Variants in PKD1L3 observed in about 807,000 individuals in gnomAD.
PKD1L3 encodes polycystin 1 like 3, transient receptor potential channel interacting, also known as polycystin-1-like protein 3.
A neutral mutation model predicts 184.1 loss-of-function variants in PKD1L3; 239 were observed. The observed-to-expected ratio is 1.30, with a 90% confidence interval of 1.17 to 1.45. PKD1L3 has a LOEUF of 1.45. Ranked by LOEUF, PKD1L3 falls within the 40% of genes most tolerant of loss-of-function variation. PKD1L3 has a pLI of 0.00. For missense variants in PKD1L3, 2,660 were observed against 2,067.2 expected (o/e 1.29, Z -5.56); for synonymous variants, 996 against 778.8 (o/e 1.28, Z -4.64).
At chr16:71,953,947 G>A (rs2143412817) in intron 17 of PKD1L3, among the ~76,000 whole-genome samples, 158 bp downstream of exon 17, 1 of 152,196 alleles carries the variant, frequency 6.6e-6, no homozygotes, top group South Asian at 2.1e-4. Context: ...TGGGCATGGT[G>A]ACTCGTGCCT....
chr16:71,953,184 A>G (rs2038916304), intron 17 of PKD1L3, 91 bp from the exon 18 acceptor site: 1 of 1,069,894 alleles, frequency 9.3e-7, no homozygotes, highest in African/African-American at 1.7e-5. Context: ...TTTACTGAGG[A>G]AGTTAACTAC....
rs772192077 is a variant in PKD1L3, at chr16:71,990,200, G to T, written c.585+80C>A. 72 of 1,245,538 alleles carry T rather than the reference G, an allele frequency of 5.8e-5. No individual in the cohort carries two copies. The Middle Eastern group carries it at 1.9e-3, about 33-fold the overall frequency. The allele number at this position is 1,245,538 out of a possible 1,614,324, so 77.2% of individuals were successfully genotyped here. On this transcript the variant is annotated intron_variant, in intron 4 of 29. Transcript: ENST00000620267. Reference sequence around the variant, plus strand: ...AAACTATATTCAGAACACTCTACAAGATAGAGCTCTAACCAGATCTACTAG... The same window carrying T: ...AAACTATATTCAGAACACTCTACAATATAGAGCTCTAACCAGATCTACTAG...
chr16:71,942,733 G>A lies in PKD1L3; in HGVS notation c.4151C>T (p.Ala1384Val), dbSNP rs182925233. ...ACAGGTATGGCCGTTATCACAAAAC[G>A]CCAGCTGACCTTCGTCCACTTTCTC... ...TYEKVDEGQL[A>V]FCDNGHTCGR... The change falls in exon 24 of 30, where the codon GCG (alanine) becomes GTG (valine). Residue 1384 changes from alanine (A) to valine (V), a missense_variant. Physicochemically the swap from Ala to Val is moderately conservative, Grantham distance 64. Transcript: ENST00000620267. The A allele has an allele frequency of 2.4e-3, 3,663 of 1,551,674 alleles. 11 individuals carry two copies. Among genetic ancestry groups the A allele is most frequent in the Non-Finnish European group, 2.5e-3 (2,907 of 1,146,998 alleles).
intron 10 of PKD1L3, 110 bp downstream of exon 10, chr16:71,978,145 A>G (rs2040000246): frequency 8.0e-7 from 1 of 1,255,946 alleles, no homozygotes; most frequent in Admixed American, 2.4e-5. Context: ...TAACAAAACA[A>G]TGGCACTGCC....
At chr16:71,982,344 G>A (rs1283138619) in intron 6 of PKD1L3, 109 bp from the exon 7 acceptor site, 6 of 971,582 alleles carry the variant, frequency 6.2e-6, no homozygotes, top group Non-Finnish European at 8.4e-6. Context: ...AGAGTGCAAT[G>A]GCGTGATATC....
At chr16:71,954,036 C>G in intron 17 of PKD1L3, 69 bp downstream of exon 17, 1 of 1,315,294 alleles carries the variant, frequency 7.6e-7, no homozygotes, top group Non-Finnish European at 1.0e-6. Flanking sequence ...GGTAACAGAG[C>G]AAGACCCTGT....
In PKD1L3 at chr16:71,947,575, A is replaced by G. The variant is rs2038666970; in HGVS notation, c.3635T>C (p.Phe1212Ser). ...CCTGCTCATCATCAGTGAGTATAAG[A>G]ATGTGAAGAAGACCACCTGGGCAGG... is the stretch of plus-strand genomic sequence containing the variant. ...SQPVKVVFFT[F>S]LYSLMMSRMP... The change falls in exon 22 of 30, where the codon TTC becomes TCC. Residue 1212 changes from phenylalanine to serine, a missense_variant. Coordinates refer to ENST00000620267, the MANE Select transcript of PKD1L3 (RefSeq NM_181536.2). 6.5e-7 allele frequency: 1 copy of G among 1,544,744 alleles called. No homozygotes were observed. The highest frequency in any genetic ancestry group is 1.4e-5 in the African/African-American group (1 of 72,868).
chr16:71,956,184 A>ATTTTTTTTTTTTTTT (rs35268514), intron 16 of PKD1L3, among the ~76,000 whole-genome samples: 2 of 82,758 alleles, frequency 2.4e-5, no homozygotes, highest in Admixed American at 1.8e-4. Flanking sequence ...AAAGGAAGGA[A>ATTTTTTTTTTTTTTT]TTTTTTTTTT....
chr16:71,951,669 TC>T lies in PKD1L3; in HGVS notation c.3084del (p.Trp1028Ter), dbSNP rs1281315721. ...ACCAGCTTAGTAATGTCCCAAGAAC[TC>T]CATGGCGGCTGCTCACACTTGGAGA... is the stretch of plus-strand genomic sequence containing the variant. ...YLLSKCEQPP[W>X]SSWDITKLVK... On this transcript the variant is annotated frameshift_variant, in exon 19 of 30. Coordinates refer to ENST00000620267, the MANE Select transcript of PKD1L3 (RefSeq NM_181536.2). LOFTEE classifies it high-confidence loss of function. The T allele has an allele frequency of 6.4e-7, 1 of 1,551,682 alleles. No individual in the cohort carries two copies. The highest frequency in any genetic ancestry group is 8.7e-7 in the Non-Finnish European group (1 of 1,146,960).
intron 13 of PKD1L3, among the ~76,000 whole-genome samples, chr16:71,968,896 A>G (rs1211147234): frequency 6.7e-6 from 1 of 150,184 alleles, no homozygotes; most frequent in Admixed American, 6.6e-5. Context: ...TCACCCAGCC[A>G]GTTACATTAA....
chr16:71,952,798 A>C, intron 18 of PKD1L3, 96 bp downstream of exon 18: 1 of 1,293,790 alleles, frequency 7.7e-7, no homozygotes, highest in Non-Finnish European at 1.0e-6. Context: ...AGGTTGCACC[A>C]CTACACTCCA....
At chr16:71,988,543 G>T (rs374613842) in intron 4 of PKD1L3, among the ~76,000 whole-genome samples, 2 of 152,176 alleles carry the variant, frequency 1.3e-5, no homozygotes, top group African/African-American at 2.4e-5. Flanking sequence ...ACCATGTGGT[G>T]ATCGTGGTGA....
intron 28 of PKD1L3, chr16:71,930,392 GT>G (rs1272977305): frequency 5.0e-6 from 2 of 402,826 alleles, no homozygotes; most frequent in African/African-American, 4.1e-5. Flanking sequence ...TAAGATAATT[GT>G]GACTGCAGGG....
intron 28 of PKD1L3, chr16:71,930,859 C>G (rs1209275579): frequency 6.6e-6 from 1 of 152,184 alleles, no homozygotes; most frequent in Non-Finnish European, 1.5e-5. Flanking sequence ...CACTAGGGCA[C>G]TGTTTAAAAA....
In PKD1L3 at chr16:71,942,585, C is replaced by A. The variant is rs1161524871; in HGVS notation, c.4299G>T (p.Glu1433Asp). The A allele has an allele frequency of 3.2e-6, 5 of 1,551,552 alleles. No homozygotes were observed. In the East Asian group the frequency reaches 7.3e-5, roughly 23 times the overall value. Residue 1433 changes from glutamate (E) to aspartate (D), a missense_variant, in exon 24 of 30, where the codon GAG becomes GAT. Physicochemically the swap from Glu to Asp is conservative, Grantham distance 45 (BLOSUM62 2). Transcript: ENST00000620267. Reference protein sequence around the residue: ...ELHERLTSKNENGFSYIMRGA... With the variant: ...ELHERLTSKNDNGFSYIMRGA... ...CTCTCATGATGTAACTGAATCCATT[C>A]TCATTCTTGCTTGTCAGCCTTTCGT...
chr16:71,992,403 G>A lies in PKD1L3; in HGVS notation c.535+813C>T, dbSNP rs549055791. 7.4e-4 allele frequency among the ~76,000 whole-genome samples: 113 copies of A among 152,278 alleles called. 1 individual carries two copies. The highest frequency in any genetic ancestry group is 5.6e-3 in the South Asian group (27 of 4,830). ...TATGACACTTAAAGCCACATGTTAC[G>A]TAAGGTAATAATGGAAGCATTGCTC... On this transcript the variant is annotated intron_variant, in intron 3 of 29. Transcript: ENST00000620267.
Position 71,935,401 on chromosome 16 carries a change from G to C in PKD1L3, c.4570C>G (p.Leu1524Val), listed in dbSNP as rs1428701107. The C allele has an allele frequency of 9.0e-6, 14 of 1,551,664 alleles. No individual in the cohort carries two copies. The highest frequency in any genetic ancestry group is 1.4e-5 in the African/African-American group (1 of 73,034). Residue 1524 changes from leucine (L) to valine (V), a missense_variant, in exon 26 of 30, where the codon CTA (leucine) becomes GTA (valine). Coordinates refer to ENST00000620267, the MANE Select transcript of PKD1L3 (RefSeq NM_181536.2). ...LLGLDMKSIS[L>V]HKKNMARYRD... ...TATCGTGCCATGTTTTTCTTATGTA[G>C]AGAAATACTCTTCATGTCAAGCCCC...
chr16:71,963,180 G>A (rs1197568866), intron 16 of PKD1L3, 25 bp downstream of exon 16: 3 of 1,529,322 alleles, frequency 2.0e-6, no homozygotes, highest in Admixed American at 4.2e-5. Context: ...AATATTCACT[G>A]TTAATAGTAA....
intron 28 of PKD1L3, among the ~76,000 whole-genome samples, chr16:71,933,058 GAACC>G (rs916430917): frequency 1.8e-4 from 27 of 152,022 alleles, no homozygotes; most frequent in African/African-American, 6.3e-4. Context: ...CTCATGGCTT[GAACC>G]AACTTACCCT....
Sources: gnomAD v4.1 joint callset for allele counts (sites outside exome capture counted in the v4.1 genomes callset) on GRCh38, gnomAD v4.1.1 for gene constraint, MANE v1.5 for transcripts, NCBI Gene and HGNC (gene_info 2026-07-23, HGNC 2026-07-21) for gene names.